The following EFHC2 variants were observed in gnomAD, a reference collection of about 807,000 sequenced individuals.
EFHC2 encodes EF-hand domain-containing family member C2.
A neutral mutation model predicts 52.7 loss-of-function variants in EFHC2; 18 were observed. That is an observed-to-expected ratio of 0.34 (90% CI 0.24 to 0.51). The LOEUF (loss-of-function observed/expected upper bound fraction) is 0.51, where lower values mean the gene tolerates loss of function less well. Among genes scored for constraint, EFHC2 ranks in the 20% least tolerant of loss-of-function variants. The probability of loss-of-function intolerance (pLI) is 0.97; values close to 1 mark genes in which losing one functional copy is unlikely to be tolerated. For missense variants in EFHC2, 513 were observed against 562.5 expected (o/e 0.91, Z 0.89); for synonymous variants, 203 against 204.1 (o/e 0.99, Z 0.04).
chrX:44,206,401 GGAAAAAGGCA>G, intron 11 of EFHC2, among the ~76,000 whole-genome samples: 1 of 111,318 alleles, frequency 9.0e-6, no homozygotes, highest in Non-Finnish European at 1.9e-5. Context: ...ATCCAAATAG[GGAAAAAGGCA>G]GTCAAATCAT....
rs1445618948 is a variant in EFHC2 at position 44,322,115 on chromosome X, A to C, written c.43-9359T>G. Among the ~76,000 whole-genome samples the C allele has an allele frequency of 4.6e-5, 5 of 109,449 alleles. No individual in the cohort carries two copies. In the Admixed American group the frequency reaches 4.9e-4, roughly 11 times the overall value. On this transcript the variant is annotated intron_variant, in intron 1 of 14. Transcript: ENST00000420999. ...CCAAGTGCCTAGAACAGAGAATAAAATGTTTTCTAAAAAATAATACACGTG... is the reference window on the plus strand; with the variant it reads ...CCAAGTGCCTAGAACAGAGAATAAACTGTTTTCTAAAAAATAATACACGTG...
chrX:44,256,067 T>C (rs2037489576), intron 4 of EFHC2, among the ~76,000 whole-genome samples: 2 of 111,751 alleles, frequency 1.8e-5, no homozygotes, highest in Admixed American at 9.5e-5. Flanking sequence ...ATAAGTTCTT[T>C]GAAACAAATG....
At chrX:44,264,653 A>G (rs771444239) in intron 3 of EFHC2, among the ~76,000 whole-genome samples, 16 of 112,598 alleles carry the variant, frequency 1.4e-4, no homozygotes, top group African/African-American at 4.8e-4. Flanking sequence ...ATTAATCAGA[A>G]AACCAAGGTG....
intron 1 of EFHC2, among the ~76,000 whole-genome samples, chrX:44,321,789 C>T (rs1367800584): frequency 3.6e-5 from 4 of 111,816 alleles, no homozygotes; most frequent in African/African-American, 1.3e-4. Context: ...ATCATGGGGA[C>T]AGAAATAGCT....
intron 13 of EFHC2, among the ~76,000 whole-genome samples, chrX:44,171,696 G>A (rs1164028137): frequency 8.9e-6 from 1 of 111,804 alleles, no homozygotes; most frequent in Non-Finnish European, 1.9e-5. Context: ...TGCCAGGTAA[G>A]GCCTGTACAT....
At position 44,323,005 on chromosome X, in the gene EFHC2, T is replaced by G. The variant is rs776037267; in HGVS notation, c.43-10249A>C. On this transcript the variant is annotated intron_variant, in intron 1 of 14. Transcript: ENST00000420999. Reference sequence around the variant, plus strand: ...TCCAGCCTGGGTGACAGAGCAAGACTCCGTCTAAAAAAAAAAGGGACCAAG... The same window carrying G: ...TCCAGCCTGGGTGACAGAGCAAGACGCCGTCTAAAAAAAAAAGGGACCAAG... Among the ~76,000 whole-genome samples the G allele has an allele frequency of 4.6e-3, 504 of 109,734 alleles. 6 individuals are homozygous for G. Among genetic ancestry groups the G allele is most frequent in the African/African-American group, 0.015 (440 of 30,184 alleles).
intron 13 of EFHC2, among the ~76,000 whole-genome samples, chrX:44,167,738 T>C (rs144160703): frequency 0.01 from 1,151 of 111,647 alleles, 7 homozygotes; most frequent in Middle Eastern, 0.033. Context: ...TCTTAGAGGA[T>C]CTCAGTGTGT....
chrX:44,316,898 C>G (rs1267446091), intron 1 of EFHC2, among the ~76,000 whole-genome samples: 1 of 112,029 alleles, frequency 8.9e-6, no homozygotes, highest in African/African-American at 3.3e-5. Context: ...ACCGTCATTA[C>G]AACAGTTACT....
Position 44,312,654 on chromosome X carries a change from G to C in EFHC2, c.145C>G (p.Leu49Val). 1 of 1,209,732 alleles carries C rather than the reference G, an allele frequency of 8.3e-7. No homozygotes were observed. Among genetic ancestry groups the C allele is most frequent in the Non-Finnish European group, 1.1e-6 (1 of 894,362 alleles). ...CATTTAGGCTTTATCTTTTGCCCCA[G>C]AAGTGGTTCTCCACCTATTCCAGGC... The part of the protein sequence containing the change: ...EKPGIGGEPL[L>V]GQKIKPKCSI... The change falls in exon 2 of 15, where the codon CTG (leucine) becomes GTG (valine). Residue 49 changes from leucine (L) to valine (V), a missense_variant. Coordinates refer to ENST00000420999, the MANE Select transcript of EFHC2 (RefSeq NM_025184.4).
intron 2 of EFHC2, among the ~76,000 whole-genome samples, chrX:44,305,480 T>A (rs1022753116): frequency 1.8e-5 from 2 of 111,581 alleles, no homozygotes; most frequent in African/African-American, 3.3e-5. Context: ...TTTGATTTTT[T>A]AAAATATTAT....
chrX:44,262,615 G>A (rs1323417816), intron 3 of EFHC2, among the ~76,000 whole-genome samples: 2 of 110,230 alleles, frequency 1.8e-5, no homozygotes, highest in Non-Finnish European at 3.8e-5. Context: ...AAGATGAGAA[G>A]TTAGCCTTCC....
chrX:44,205,211 T>A (rs59765417), intron 11 of EFHC2, among the ~76,000 whole-genome samples: 1 of 109,699 alleles, frequency 9.1e-6, no homozygotes, highest in Non-Finnish European at 1.9e-5. Context: ...GTTCTAAACA[T>A]GGAAATGAAA....
intron 11 of EFHC2, among the ~76,000 whole-genome samples, chrX:44,187,082 G>A (rs1223536356): frequency 2.0e-5 from 2 of 98,437 alleles, no homozygotes; most frequent in Non-Finnish European, 2.0e-5. Context: ...TCGTTCTGCT[G>A]TATGCCAGCC....
intron 1 of EFHC2, among the ~76,000 whole-genome samples, chrX:44,333,220 C>T (rs949770457): frequency 2.7e-5 from 3 of 111,128 alleles, no homozygotes; most frequent in African/African-American, 9.8e-5. Flanking sequence ...GGAAATAAGG[C>T]GGTAAATGGG....
chrX:44,303,014 T>C (rs928871240), intron 2 of EFHC2, among the ~76,000 whole-genome samples: 7 of 111,905 alleles, frequency 6.3e-5, no homozygotes, highest in Admixed American at 5.7e-4. Context: ...AATTATAATG[T>C]ACCTGATCAT....
rs771190290 is a variant in EFHC2 at position 44,309,895 on chromosome X, T to G, written c.231+2673A>C. 106 of 1,127,665 alleles carry G rather than the reference T, an allele frequency of 9.4e-5. 1 individual carries two copies. The African/African-American group carries it at 1.7e-3, about 18-fold the overall frequency. 92.9% of individuals were successfully genotyped at this position (1,127,665 alleles called of 1,213,427 possible). ...GACACAAGGCATCGTTCAATGGCATTGAAGAGAAATTCCCTTTCTTTGGGA... is the reference window on the plus strand; with the variant it reads ...GACACAAGGCATCGTTCAATGGCATGGAAGAGAAATTCCCTTTCTTTGGGA... On this transcript the variant is annotated intron_variant, in intron 2 of 14. Transcript: ENST00000420999.
chrX:44,303,722 C>T (rs1466309713), intron 2 of EFHC2, among the ~76,000 whole-genome samples: 1 of 110,124 alleles, frequency 9.1e-6, no homozygotes, highest in Non-Finnish European at 1.9e-5. Context: ...TAGAGTCACA[C>T]AGCTACATAA....
At chrX:44,158,252 T>C (rs1050541701) in intron 14 of EFHC2, among the ~76,000 whole-genome samples, 2 of 111,510 alleles carry the variant, frequency 1.8e-5, no homozygotes, top group African/African-American at 6.5e-5. Context: ...AGCCAATAAG[T>C]TTTTTTTATT....
intron 11 of EFHC2, among the ~76,000 whole-genome samples, chrX:44,205,265 G>A (rs1191548272): frequency 4.5e-5 from 5 of 111,144 alleles, no homozygotes; most frequent in Non-Finnish European, 9.4e-5. Context: ...GTATAAAGCC[G>A]AGAGCCTTAT....
Sources: gnomAD v4.1 joint callset for allele counts (sites outside exome capture counted in the v4.1 genomes callset) on GRCh38, gnomAD v4.1.1 for gene constraint, MANE v1.5 for transcripts, NCBI Gene and HGNC (gene_info 2026-07-23, HGNC 2026-07-21) for gene names.